XKR9: variants seen among roughly 807,000 people sequenced by gnomAD.
XKR9 encodes XK related 9.
A neutral mutation model predicts 32.0 loss-of-function variants in XKR9; 32 were observed. The ratio of observed to expected loss-of-function variants is 1.00; its 90% CI spans 0.76 to 1.34. The LOEUF is 1.34. XKR9 is among the 40% of genes most tolerant of loss of function. XKR9 has a pLI of 0.00. For synonymous variants in XKR9, 168 were observed against 143.4 expected, an observed-to-expected ratio of 1.17 and a Z score of -1.22; for missense variants, 546 against 429.7, an observed-to-expected ratio of 1.27 and a Z score of -2.39.
chr8:70,907,284 A>G, the XKR9 span, among the ~76,000 whole-genome samples: 2 of 152,186 alleles, frequency 1.3e-5, no homozygotes, highest in Non-Finnish European at 2.9e-5. Flanking sequence ...TAATCTTAAG[A>G]TCTTTGGTCA....
At chr8:70,981,930 G>A in the XKR9 span, among the ~76,000 whole-genome samples, 1 of 152,220 alleles carries the variant, frequency 6.6e-6, no homozygotes, top group Non-Finnish European at 1.5e-5. Context: ...TAGCCACCCA[G>A]TGGAGCTACT....
chr8:70,675,458 T>C (rs561739603), intron 2 of XKR9, among the ~76,000 whole-genome samples: 79 of 152,290 alleles, frequency 5.2e-4, no homozygotes, highest in African/African-American at 1.8e-3. Context: ...AGCTTTTTCT[T>C]TCTCTCTCAC....
chr8:71,043,854 A>G, the XKR9 span, among the ~76,000 whole-genome samples: 1 of 152,158 alleles, frequency 6.6e-6, no homozygotes, highest in Non-Finnish European at 1.5e-5. Context: ...ATTGATATAT[A>G]AAAAACGTAA....
At chr8:70,756,288 A>G (rs1807225292) in intron 2 of XKR9, among the ~76,000 whole-genome samples, 1 of 152,178 alleles carries the variant, frequency 6.6e-6, no homozygotes, top group Non-Finnish European at 1.5e-5. Flanking sequence ...AAGTTTTGAA[A>G]TTGGAAAATG....
the XKR9 span, among the ~76,000 whole-genome samples, chr8:70,865,793 C>T: frequency 6.6e-6 from 1 of 152,130 alleles, no homozygotes; most frequent in Non-Finnish European, 1.5e-5. Context: ...AGTGTGGTGT[C>T]CAGAACACTT....
intron 2 of XKR9, among the ~76,000 whole-genome samples, chr8:70,757,521 C>T (rs1441828921): frequency 6.6e-6 from 1 of 151,876 alleles, no homozygotes; most frequent in Non-Finnish European, 1.5e-5. Context: ...ATAATATTGT[C>T]AATATATCTT....
the XKR9 span, among the ~76,000 whole-genome samples, chr8:70,979,856 C>A: frequency 6.6e-6 from 1 of 152,232 alleles, no homozygotes; most frequent in Non-Finnish European, 1.5e-5. Context: ...TTATGCCCTA[C>A]CCCCAAAGGT....
the XKR9 span, among the ~76,000 whole-genome samples, chr8:71,050,258 T>TATAG: frequency 6.1e-3 from 650 of 106,606 alleles, 5 homozygotes; most frequent in African/African-American, 0.014. Context: ...TATATATATA[T>TATAG]ATAGATAGAT....
chr8:70,734,208 G>T lies in XKR9; in HGVS notation c.906G>T (p.Leu302Phe). The part of the protein sequence containing the change: ...IVRVLGTLGI[L>F]TVFWVCPLTI... ...GGGTACTGGGCACTTTGGGGATATT[G>T]ACTGTATTCTGGGTTTGCCCCCTCA... Residue 302 changes from leucine to phenylalanine, a missense_variant, in exon 5 of 5, where the codon TTG becomes TTT. Physicochemically the swap from Leu to Phe is conservative, Grantham distance 22. Coordinates refer to ENST00000408926, the MANE Select transcript of XKR9 (RefSeq NM_001011720.2). 1.2e-6 allele frequency: 2 copies of T among 1,613,342 alleles called. No homozygotes were observed. Among genetic ancestry groups the T allele is most frequent in the Non-Finnish European group, 1.7e-6 (2 of 1,179,612 alleles).
chr8:70,941,390 G>T, the XKR9 span, among the ~76,000 whole-genome samples: 31 of 151,938 alleles, frequency 2.0e-4, no homozygotes, highest in African/African-American at 7.3e-4. Context: ...TCAAAATGTT[G>T]CTCAAGTCAA....
At chr8:70,731,598 C>A (rs1806668669) in intron 4 of XKR9, among the ~76,000 whole-genome samples, 1 of 152,180 alleles carries the variant, frequency 6.6e-6, no homozygotes, top group Non-Finnish European at 1.5e-5. Flanking sequence ...TCATTCAGCA[C>A]CCAATATCAA....
intron 4 of XKR9, among the ~76,000 whole-genome samples, chr8:70,724,151 C>T (rs979462292): frequency 6.6e-6 from 1 of 152,124 alleles, no homozygotes; most frequent in Non-Finnish European, 1.5e-5. Context: ...GAGTTCTGCC[C>T]AGTCTGAACT....
chr8:70,892,342 TTTA>T, the XKR9 span, among the ~76,000 whole-genome samples: 1 of 152,154 alleles, frequency 6.6e-6, no homozygotes, highest in Admixed American at 6.5e-5. Context: ...TTGTTCCTGT[TTTA>T]TTGTTTATCA....
Position 70,735,400 on chromosome 8 carries a change from A to G in XKR9, c.*976A>G, listed in dbSNP as rs962494336. ...ACTTAATCTCCAAATTTGTATGTTG[A>G]TGGCATTTGGAAGTGGTGGGGACTT... On this transcript the variant is annotated 3_prime_UTR_variant, in exon 5 of 5. Transcript: ENST00000408926. 2.0e-5 allele frequency: 3 copies of G among 151,654 alleles called. No individual in the cohort carries two copies. The highest frequency in any genetic ancestry group is 7.3e-5 in the African/African-American group (3 of 41,358). 9.4% of individuals were successfully genotyped at this position (151,654 alleles called of 1,614,324 possible).
chr8:70,770,097 A>G (rs988346537), intron 2 of XKR9, among the ~76,000 whole-genome samples: 1 of 152,054 alleles, frequency 6.6e-6, no homozygotes, highest in Non-Finnish European at 1.5e-5. Context: ...TTGCTCTTTA[A>G]TGCAGAGGAC....
chr8:70,711,304 A>G, intron 4 of XKR9, among the ~76,000 whole-genome samples: 1 of 152,188 alleles, frequency 6.6e-6, no homozygotes, highest in East Asian at 1.9e-4. Context: ...TAATTGTTAT[A>G]CCATGAAGAT....
chr8:70,996,606 C>T, the XKR9 span, among the ~76,000 whole-genome samples: 3 of 152,164 alleles, frequency 2.0e-5, no homozygotes, highest in Admixed American at 2.0e-4. Context: ...TTGTCTTCCT[C>T]ATCAGAAATA....
At chr8:70,751,580 A>G (rs887926047) in intron 2 of XKR9, among the ~76,000 whole-genome samples, 1 of 152,170 alleles carries the variant, frequency 6.6e-6, no homozygotes, top group Non-Finnish European at 1.5e-5. Flanking sequence ...TTCACCCAAT[A>G]TGGGTAGGTA....
the XKR9 span, among the ~76,000 whole-genome samples, chr8:70,815,702 T>G: frequency 6.6e-6 from 1 of 151,906 alleles, no homozygotes; most frequent in South Asian, 2.1e-4. Flanking sequence ...ACTTTTTGCA[T>G]TTTTAGTAGA....
Sources: allele counts gnomAD v4.1 joint callset (sites outside exome capture counted in the v4.1 genomes callset), GRCh38; gene constraint gnomAD v4.1.1; transcripts MANE v1.5; gene names NCBI Gene and HGNC (gene_info 2026-07-23, HGNC 2026-07-21).